The following C5 variants were observed in gnomAD, a reference collection of about 807,000 sequenced individuals.
The protein encoded by C5 is complement C5.
In C5, 140 loss-of-function variants were observed where a neutral mutation model predicts 218.8. The ratio of observed to expected loss-of-function variants is 0.64; its 90% CI spans 0.56 to 0.74. The LOEUF (loss-of-function observed/expected upper bound fraction) is 0.74, where lower values mean the gene tolerates loss of function less well. C5 is among the 30% of genes least tolerant of loss of function. The pLI is 0.00. For missense variants in C5, 1,700 were observed against 1,969.6 expected, an observed-to-expected ratio of 0.86 and a Z score of 2.59; for synonymous variants, 614 against 682.3, an observed-to-expected ratio of 0.90 and a Z score of 1.56.
At chr9:121,001,020 A>G (rs1268319444) in intron 20 of C5, among the ~76,000 whole-genome samples, 1 of 152,240 alleles carries the variant, frequency 6.6e-6, no homozygotes, top group African/African-American at 2.4e-5. Context: ...AGATCTACAG[A>G]TTTTATAACA....
Position 120,976,919 on chromosome 9 carries a change from A to G in C5, c.3659-14T>C. On this transcript the variant is annotated splice_polypyrimidine_tract_variant and intron_variant, in intron 28 of 40. Transcript: ENST00000223642. The stretch of plus-strand genomic sequence containing the variant: ...TGGGTGGATTACCTGAACATCAACA[A>G]ATTCCATTCATTAATATGATTAAAA... The G allele has an allele frequency of 6.3e-7, 1 of 1,596,208 alleles. No homozygotes were observed. The highest frequency in any genetic ancestry group is 8.6e-7 in the Non-Finnish European group (1 of 1,163,744).
chr9:120,987,788 T>C (rs2047044826), intron 25 of C5, among the ~76,000 whole-genome samples: 1 of 152,012 alleles, frequency 6.6e-6, no homozygotes, highest in Admixed American at 6.5e-5. Flanking sequence ...ATGGTTTTTT[T>C]GTTTTGTTTT....
At chr9:120,972,954 G>C (rs1189705118) in intron 30 of C5, among the ~76,000 whole-genome samples, 1 of 152,102 alleles carries the variant, frequency 6.6e-6, no homozygotes, top group East Asian at 1.9e-4. Context: ...AATAAGTTTG[G>C]GAAATGCTGT....
the C5 span, among the ~76,000 whole-genome samples, chr9:121,072,715 A>G: frequency 6.6e-6 from 1 of 150,758 alleles, no homozygotes; most frequent in South Asian, 2.1e-4. Context: ...CTGAGGCAGG[A>G]GAATCGCTTG....
chr9:121,049,792 T>C (rs1052055885), intron 1 of C5, among the ~76,000 whole-genome samples: 15 of 152,198 alleles, frequency 9.9e-5, no homozygotes, highest in Non-Finnish European at 2.2e-4. Flanking sequence ...GATTTTCAGA[T>C]CACAGTATTA....
At chr9:121,068,072 A>C in the C5 span, among the ~76,000 whole-genome samples, 1 of 152,226 alleles carries the variant, frequency 6.6e-6, no homozygotes, top group Non-Finnish European at 1.5e-5. Flanking sequence ...AAGATCTGGT[A>C]CAATGCAAGG....
At chr9:120,953,932 C>G in intron 39 of C5, 64 bp from the exon 40 acceptor site, 1 of 1,565,648 alleles carries the variant, frequency 6.4e-7, no homozygotes, top group Non-Finnish European at 8.8e-7. Flanking sequence ...ATTATAAACT[C>G]TCAAGTTTTC....
chr9:120,971,163 C>T (rs1222372665), intron 31 of C5, among the ~76,000 whole-genome samples: 2 of 139,146 alleles, frequency 1.4e-5, no homozygotes, highest in Non-Finnish European at 1.5e-5. Context: ...CAGAGCAAGA[C>T]TCCATCTCAA....
rs2047297457 is a variant in C5, at chr9:121,015,274, A to G, written c.1997-13T>C. 1 of 1,564,588 alleles carries G rather than the reference A, an allele frequency of 6.4e-7. No homozygotes were observed. The highest frequency in any genetic ancestry group is 2.2e-5 in the East Asian group (1 of 44,534). On this transcript the variant is annotated splice_polypyrimidine_tract_variant and intron_variant, in intron 15 of 40. Coordinates refer to ENST00000223642, the MANE Select transcript of C5 (RefSeq NM_001735.3). ...TTACAAGGTTCATCTGGTTTTTTTA[A>G]AAAAAGATAAAGAAGAAGGATTAAA...
At position 120,957,306 on chromosome 9, in the gene C5, G is replaced by A. The variant is rs2046793309; in HGVS notation, c.4741C>T (p.Leu1581Phe). The change falls in exon 39 of 41, where the codon CTT becomes TTT. Residue 1581 changes from leucine (L) to phenylalanine (F), a missense_variant. Coordinates refer to ENST00000223642, the MANE Select transcript of C5 (RefSeq NM_001735.3). Reference protein sequence around the residue: ...ENVFVKYKATLLDIYKTGEAV... With the variant: ...ENVFVKYKATFLDIYKTGEAV... ...TCACCAGTTTTGTAGATATCCAGAA[G>A]GGTTGCCTTGTACTTGACAAAAACA... 6.2e-7 allele frequency: 1 copy of A among 1,611,506 alleles called. No homozygotes were observed. The highest frequency in any genetic ancestry group is 2.2e-5 in the East Asian group (1 of 44,770).
chr9:121,039,061 T>A (rs2047554729), intron 3 of C5, among the ~76,000 whole-genome samples: 1 of 152,228 alleles, frequency 6.6e-6, no homozygotes, highest in African/African-American at 2.4e-5. Context: ...CTTTTTAGTA[T>A]GACCCTGAGC....
intron 1 of C5, among the ~76,000 whole-genome samples, chr9:121,049,083 T>C (rs2047652481): frequency 1.3e-5 from 2 of 152,220 alleles, no homozygotes; most frequent in African/African-American, 4.8e-5. Context: ...CTGCAGTGCC[T>C]ATCATATGTT....
At chr9:120,972,723 C>T (rs955532903) in intron 30 of C5, among the ~76,000 whole-genome samples, 1 of 152,102 alleles carries the variant, frequency 6.6e-6, no homozygotes, top group African/African-American at 2.4e-5. Flanking sequence ...ATTTTGAGCC[C>T]GAGGGGTTGG....
chr9:121,000,581 G>A (rs2047153260), intron 20 of C5, among the ~76,000 whole-genome samples: 1 of 152,084 alleles, frequency 6.6e-6, no homozygotes, highest in South Asian at 2.1e-4. Flanking sequence ...TGGATCATCT[G>A]GCTATTTGGG....
At chr9:120,965,864 T>C (rs2046863667) in intron 33 of C5, among the ~76,000 whole-genome samples, 1 of 152,188 alleles carries the variant, frequency 6.6e-6, no homozygotes, top group South Asian at 2.1e-4. Context: ...CCATGGAGAC[T>C]GTTTCAATGG....
At chr9:121,006,715 T>C (rs886520161) in intron 19 of C5, among the ~76,000 whole-genome samples, 189 bp downstream of exon 19, 1 of 151,298 alleles carries the variant, frequency 6.6e-6, no homozygotes, top group Non-Finnish European at 1.5e-5. Context: ...AAGAGAGGAG[T>C]GAAAGGAGAA....
chr9:121,033,996 C>G (rs1158847895), intron 5 of C5, among the ~76,000 whole-genome samples: 1 of 151,616 alleles, frequency 6.6e-6, no homozygotes, highest in African/African-American at 2.4e-5. Context: ...TCTTGGCTCA[C>G]TTTAACCCTC....
intron 23 of C5, among the ~76,000 whole-genome samples, chr9:120,990,295 A>G (rs2047067674): frequency 1.3e-5 from 2 of 152,268 alleles, no homozygotes; most frequent in Admixed American, 1.3e-4. Context: ...TAGTCAGGAC[A>G]TTCTATCATT....
Position 120,961,532 on chromosome 9 carries a change from T to G in C5, c.4538A>C (p.Asn1513Thr). 6.2e-7 allele frequency: 1 copy of G among 1,613,064 alleles called. No individual in the cohort carries two copies. Among genetic ancestry groups the G allele is most frequent in the South Asian group, 1.1e-5 (1 of 91,054 alleles). ...KQCTMFYSTS[N>T]IKIQKVCEGA... ...TTCACAGACTTTCTGAATTTTGATA[T>G]TGGAAGTGCTATAAAACATGGTACA... Residue 1513 changes from asparagine (N) to threonine (T), a missense_variant, in exon 37 of 41, where the codon AAT (asparagine) becomes ACT (threonine). Transcript: ENST00000223642.
Sources: gnomAD v4.1 joint callset for allele counts (sites outside exome capture counted in the v4.1 genomes callset) on GRCh38, gnomAD v4.1.1 for gene constraint, MANE v1.5 for transcripts, NCBI Gene and HGNC (gene_info 2026-07-23, HGNC 2026-07-21) for gene names.